ANKRD12: variants seen among roughly 807,000 people sequenced by gnomAD.
The protein encoded by ANKRD12 is ankyrin repeat domain-containing protein 12.
In ANKRD12, 85 loss-of-function variants were observed where a neutral mutation model predicts 183.4. That is an observed-to-expected ratio of 0.46 (90% CI 0.39 to 0.56). The LOEUF (loss-of-function observed/expected upper bound fraction) is 0.56. Among genes scored for constraint, ANKRD12 ranks in the 20% least tolerant of loss-of-function variants. ANKRD12 has a pLI of 0.00. For missense variants in ANKRD12, 2,405 were observed against 2,357.1 expected (o/e 1.02, Z -0.42); for synonymous variants, 914 against 800.2 (o/e 1.14, Z -2.40).
chr18:9,233,968 G>A (rs528646445), intron 8 of ANKRD12, among the ~76,000 whole-genome samples: 13 of 152,292 alleles, frequency 8.5e-5, no homozygotes, highest in South Asian at 2.1e-4. Flanking sequence ...AGGTCCCAGC[G>A]TGGTAGGGGC....
rs2040176796 is a variant in ANKRD12, at chr18:9,284,201, T to TA, written c.*3081dup. On this transcript the variant is annotated 3_prime_UTR_variant, in exon 13 of 13. Coordinates refer to ENST00000262126, the MANE Select transcript of ANKRD12 (RefSeq NM_015208.5). The stretch of plus-strand genomic sequence containing the variant: ...AGGGTTGCCACAAACCTTCAATTTG[T>TA]AAAAAACGCCAATATGTACAAAGCA... 1 of 152,132 alleles carries TA rather than the reference T, an allele frequency of 6.6e-6. No individual in the cohort carries two copies. The highest frequency in any genetic ancestry group is 1.5e-5 in the Non-Finnish European group (1 of 68,028). The allele number at this position is 152,132 out of a possible 1,614,324, so 9.4% of individuals were successfully genotyped here. A position where few individuals can be genotyped will look rare whatever the true frequency, so the allele number is the denominator to read the frequency against.
chr18:9,204,409 G>A (rs2035361736), intron 3 of ANKRD12, 67 bp from the exon 4 acceptor site: 1 of 1,151,486 alleles, frequency 8.7e-7, no homozygotes, highest in African/African-American at 1.6e-5. Context: ...AAAAATGTTG[G>A]TTTGTTGAAT....
intron 1 of ANKRD12, among the ~76,000 whole-genome samples, chr18:9,178,046 G>A (rs1461924543): frequency 1.3e-5 from 2 of 152,168 alleles, no homozygotes; most frequent in Non-Finnish European, 2.9e-5. Flanking sequence ...GATGTGATTT[G>A]CAAGTATTTT....
At chr18:9,150,843 C>T in intron 1 of ANKRD12, among the ~76,000 whole-genome samples, 1 of 152,110 alleles carries the variant, frequency 6.6e-6, no homozygotes, top group Non-Finnish European at 1.5e-5. Context: ...TCAGTAGAGA[C>T]AGGGTTTCAC....
intron 2 of ANKRD12, among the ~76,000 whole-genome samples, chr18:9,187,063 T>C: frequency 6.6e-6 from 1 of 152,066 alleles, no homozygotes; most frequent in East Asian, 1.9e-4. Context: ...GCCTGGCCGA[T>C]TGTCTTTTCA....
At position 9,283,795 on chromosome 18, in the gene ANKRD12, A is replaced by G. The variant is rs893597938; in HGVS notation, c.*2669A>G. ...TGAAATGTGTGCTAACTGTTTTTTT[A>G]CTTAATTTTACTTGGGCAGCTAGCA... On this transcript the variant is annotated 3_prime_UTR_variant, in exon 13 of 13. Transcript: ENST00000262126. 1 of 152,602 alleles carries G rather than the reference A, an allele frequency of 6.6e-6. No individual in the cohort carries two copies. Among genetic ancestry groups the G allele is most frequent in the Admixed American group, 6.5e-5 (1 of 15,276 alleles). The allele number at this position is 152,602 out of a possible 1,614,324, so 9.5% of individuals were successfully genotyped here. A position where few individuals can be genotyped will look rare whatever the true frequency, so the allele number is the denominator to read the frequency against.
chr18:9,212,314 A>G (rs576103222), intron 6 of ANKRD12, among the ~76,000 whole-genome samples: 1 of 152,102 alleles, frequency 6.6e-6, no homozygotes, highest in East Asian at 1.9e-4. Flanking sequence ...TTTCTCTTCC[A>G]TAGAACTATG....
intron 1 of ANKRD12, among the ~76,000 whole-genome samples, chr18:9,165,051 T>C (rs1598428945): frequency 6.6e-6 from 1 of 152,208 alleles, no homozygotes; most frequent in African/African-American, 2.4e-5. Context: ...TGTAGGTCTT[T>C]AAGAACTTGC....
At chr18:9,225,788 A>G (rs989784339) in intron 8 of ANKRD12, among the ~76,000 whole-genome samples, 1 of 152,190 alleles carries the variant, frequency 6.6e-6, no homozygotes, top group Non-Finnish European at 1.5e-5. Context: ...GTACTTTTTT[A>G]AAAATCCCCA....
At position 9,221,966 on chromosome 18, in the gene ANKRD12, G is replaced by T. The variant is rs1184507813; in HGVS notation, c.910G>T (p.Val304Leu). 3 of 1,613,742 alleles carry T rather than the reference G, an allele frequency of 1.9e-6. No homozygotes were observed. The highest frequency in any genetic ancestry group is 1.3e-5 in the African/African-American group (1 of 74,890). ...EELELLLKRE[V>L]PLSDDDESYT... ...GTTGGAGTTGCTACTAAAAAGAGAGGTGCCTTTATCTGATGATGATGAAAG... is the reference window on the plus strand; with the variant it reads ...GTTGGAGTTGCTACTAAAAAGAGAGTTGCCTTTATCTGATGATGATGAAAG... The change falls in exon 8 of 13, where the codon GTG becomes TTG. Residue 304 changes from valine to leucine, a missense_variant. This residue lies in a region of ANKRD12 where 1,983 missense variants were observed against 1,725.9 expected (regional missense o/e 1.15). Coordinates refer to ENST00000262126, the MANE Select transcript of ANKRD12 (RefSeq NM_015208.5).
At chr18:9,277,176 C>T (rs2039880353) in intron 11 of ANKRD12, among the ~76,000 whole-genome samples, 1 of 152,126 alleles carries the variant, frequency 6.6e-6, no homozygotes, top group African/African-American at 2.4e-5. Flanking sequence ...ATTTCAAAGC[C>T]TGGCATGGTG....
chr18:9,191,700 CTG>C (rs2034466424), intron 2 of ANKRD12, among the ~76,000 whole-genome samples: 1 of 152,130 alleles, frequency 6.6e-6, no homozygotes, highest in Non-Finnish European at 1.5e-5. Context: ...CATTGAGAGA[CTG>C]TATCTTCCAG....
At chr18:9,159,994 G>T (rs2031180038) in intron 1 of ANKRD12, among the ~76,000 whole-genome samples, 1 of 151,782 alleles carries the variant, frequency 6.6e-6, no homozygotes, top group Non-Finnish European at 1.5e-5. Context: ...TGTTACTCTT[G>T]CCCGGTGGCT....
intron 10 of ANKRD12, among the ~76,000 whole-genome samples, chr18:9,264,785 C>T (rs547574823): frequency 6.6e-6 from 1 of 152,274 alleles, no homozygotes; most frequent in African/African-American, 2.4e-5. Context: ...TTTGAAACCA[C>T]CTAGTATATA....
At chr18:9,222,036 G>C in intron 8 of ANKRD12, 37 bp downstream of exon 8, 1 of 1,606,500 alleles carries the variant, frequency 6.2e-7, no homozygotes, top group Non-Finnish European at 8.5e-7. Context: ...CTGTTCGTTT[G>C]ACATGATATT....
At chr18:9,198,743 T>G (rs1186295796) in intron 3 of ANKRD12, among the ~76,000 whole-genome samples, 1 of 151,748 alleles carries the variant, frequency 6.6e-6, no homozygotes, top group African/African-American at 2.4e-5. Flanking sequence ...AGAGACGGAG[T>G]TTCACCATGT....
intron 10 of ANKRD12, among the ~76,000 whole-genome samples, chr18:9,265,788 TAAGAG>T (rs772562360): frequency 1.1e-4 from 16 of 152,300 alleles, no homozygotes; most frequent in Admixed American, 9.8e-4. Flanking sequence ...TTTTACGAGT[TAAGAG>T]AAGAAGGCTT....
At chr18:9,218,673 T>TTTTTTC (rs2036249632) in intron 7 of ANKRD12, among the ~76,000 whole-genome samples, 2 of 151,434 alleles carry the variant, frequency 1.3e-5, no homozygotes, top group South Asian at 4.2e-4. Context: ...TTCTTTTTTT[T>TTTTTTC]TTTTTCTTTT....
At chr18:9,165,944 A>C (rs1440509632) in intron 1 of ANKRD12, among the ~76,000 whole-genome samples, 89 of 138,280 alleles carry the variant, frequency 6.4e-4, no homozygotes, top group African/African-American at 2.4e-3. Context: ...TTGTTCAATT[A>C]CCACCTATGA....
Sources: gnomAD v4.1 joint callset for allele counts (sites outside exome capture counted in the v4.1 genomes callset) on GRCh38, gnomAD v4.1.1 for gene constraint, gnomAD v4.1.1 regional missense constraint, MANE v1.5 for transcripts, NCBI Gene and HGNC (gene_info 2026-07-23, HGNC 2026-07-21) for gene names.